The following PHF21A variants were observed in gnomAD, a reference collection of about 807,000 sequenced individuals.
PHF21A encodes the protein BHC80a.
PHF21A carries 11 observed loss-of-function variants against 82.5 expected under a neutral mutation model. The observed-to-expected ratio is 0.13, with a 90% CI of 0.08 to 0.22. PHF21A has a LOEUF of 0.22. Among genes scored for constraint, PHF21A ranks in the 10% least tolerant of loss-of-function variants. The probability of loss-of-function intolerance (pLI) is 1.00; values close to 1 mark genes in which losing one functional copy is unlikely to be tolerated. For synonymous variants in PHF21A, 297 were observed against 302.8 expected (o/e 0.98, Z 0.20); for missense variants, 579 against 837.8 (o/e 0.69, Z 3.81).
At chr11:46,066,187 G>T (rs868698659) in intron 6 of PHF21A, among the ~76,000 whole-genome samples, 1 of 152,164 alleles carries the variant, frequency 6.6e-6, no homozygotes, top group East Asian at 1.9e-4. Flanking sequence ...AGGTAACAAA[G>T]GTAGTTTCTC....
chr11:46,030,832 T>TGC (rs1248826429), intron 6 of PHF21A, among the ~76,000 whole-genome samples: 3 of 58,516 alleles, frequency 5.1e-5, no homozygotes, highest in African/African-American at 9.5e-5. Flanking sequence ...TGTGTGTGCG[T>TGC]GTGTGTGTGT....
chr11:46,053,868 A>G (rs890724531), intron 6 of PHF21A, among the ~76,000 whole-genome samples: 4 of 152,168 alleles, frequency 2.6e-5, no homozygotes, highest in African/African-American at 9.7e-5. Context: ...AAAAGTTACT[A>G]TGACCTTGCT....
intron 15 of PHF21A, among the ~76,000 whole-genome samples, chr11:45,939,309 A>G (rs2135173482): frequency 6.6e-6 from 1 of 152,336 alleles, no homozygotes; most frequent in South Asian, 2.1e-4. Flanking sequence ...GATACAAACA[A>G]TTCTCATCAC....
intron 6 of PHF21A, among the ~76,000 whole-genome samples, chr11:46,011,889 T>C (rs1033408668): frequency 3.3e-5 from 5 of 152,220 alleles, no homozygotes; most frequent in Non-Finnish European, 5.9e-5. Flanking sequence ...ACTTCTTTAG[T>C]GTAACATTAA....
chr11:45,971,890 C>CTTTCTTTTTTTTTTTTTTTTTTTTTT (rs57081937), intron 7 of PHF21A, among the ~76,000 whole-genome samples: 2,153 of 50,210 alleles, frequency 0.043, 659 homozygotes, highest in Middle Eastern at 0.087. Flanking sequence ...CTTTTTCTTT[C>CTTTCTTTTTTTTTTTTTTTTTTTTTT]TTTTTTTTTT....
chr11:46,067,786 C>T (rs996582684), intron 6 of PHF21A, among the ~76,000 whole-genome samples: 3 of 152,118 alleles, frequency 2.0e-5, no homozygotes, highest in African/African-American at 4.8e-5. Flanking sequence ...AAGACACAGT[C>T]CTTGCCTGTG....
chr11:45,945,339 G>A (rs575799679), intron 15 of PHF21A, among the ~76,000 whole-genome samples: 5 of 152,198 alleles, frequency 3.3e-5, no homozygotes, highest in South Asian at 4.2e-4. Flanking sequence ...CAGTTTTTCC[G>A]GAACCTGTTT....
Position 45,953,660 on chromosome 11 carries a change from C to G in PHF21A, c.997-35G>C, listed in dbSNP as rs536807203. ...AAAAATTAAATAAAAATTCAGAATT[C>G]GTTTTTTATTAAAAGGATGAAGCAA... is the stretch of plus-strand genomic sequence containing the variant. On this transcript the variant is annotated intron_variant, in intron 10 of 18. Coordinates refer to ENST00000676320, the MANE Select transcript of PHF21A (RefSeq NM_001352027.3). 2.8e-6 allele frequency: 4 copies of G among 1,409,868 alleles called. No homozygotes were observed. In the Admixed American group the frequency reaches 7.3e-5, roughly 26 times the overall value. The allele number at this position is 1,409,868 out of a possible 1,614,324, so 87.3% of individuals were successfully genotyped here.
rs1156393219 is a variant in PHF21A at position 46,090,566 on chromosome 11, C to G, written c.-195G>C. 1 of 152,174 alleles carries G rather than the reference C, an allele frequency of 6.6e-6. No homozygotes were observed. Among genetic ancestry groups the G allele is most frequent in the Non-Finnish European group, 1.5e-5 (1 of 68,034 alleles). The allele number at this position is 152,174 out of a possible 1,614,324, so 9.4% of individuals were successfully genotyped here. On this transcript the variant is annotated splice_region_variant and 5_prime_UTR_variant, in exon 3 of 19. Coordinates refer to ENST00000676320, the MANE Select transcript of PHF21A (RefSeq NM_001352027.3). ...TAGCATATTAAAGGTTCTGAGAAGT[C>G]CTGCAGTAAAGAAACCTGTTTAACT...
intron 6 of PHF21A, among the ~76,000 whole-genome samples, chr11:46,063,398 T>C (rs1399536050): frequency 1.3e-5 from 2 of 152,220 alleles, no homozygotes; most frequent in Non-Finnish European, 2.9e-5. Flanking sequence ...AGATAGTAAC[T>C]ACTGTAAGGC....
chr11:46,051,661 A>C (rs1403523287), intron 6 of PHF21A, among the ~76,000 whole-genome samples: 1 of 152,184 alleles, frequency 6.6e-6, no homozygotes, highest in Non-Finnish European at 1.5e-5. Flanking sequence ...ATTCTGTAGT[A>C]CTTTCCTTGA....
chr11:45,992,208 A>C (rs2094728384), intron 6 of PHF21A, among the ~76,000 whole-genome samples: 1 of 152,072 alleles, frequency 6.6e-6, no homozygotes, highest in Non-Finnish European at 1.5e-5. Context: ...CTGAACTGTA[A>C]CTACTAGGAA....
chr11:46,001,291 G>T (rs570903790), intron 6 of PHF21A, among the ~76,000 whole-genome samples: 2 of 151,104 alleles, frequency 1.3e-5, no homozygotes, highest in East Asian at 3.9e-4. Context: ...CCACCAGGGG[G>T]GCTGGAAATG....
chr11:46,089,661 G>A (rs879690730), intron 3 of PHF21A, among the ~76,000 whole-genome samples: 4 of 151,810 alleles, frequency 2.6e-5, no homozygotes, highest in South Asian at 2.1e-4. Context: ...CTAGTTGGAT[G>A]TTTCTATACT....
chr11:45,967,272 A>G (rs2093495056), intron 9 of PHF21A, among the ~76,000 whole-genome samples: 1 of 152,018 alleles, frequency 6.6e-6, no homozygotes, highest in South Asian at 2.1e-4. Context: ...AGAGGCTGAG[A>G]CATAAGGATT....
Position 46,010,389 on chromosome 11 carries a change from T to C in PHF21A, c.154-30423A>G, listed in dbSNP as rs139162091. 5.2e-4 allele frequency among the ~76,000 whole-genome samples: 79 copies of C among 152,346 alleles called. 2 individuals carry two copies. Among genetic ancestry groups the C allele is most frequent in the South Asian group, 5.2e-3 (25 of 4,830 alleles). On this transcript the variant is annotated intron_variant, in intron 6 of 18. Transcript: ENST00000676320. ...CCTCGCAACAATCTTGTGAAGATAC[T>C]TTACAGAAGAATAACATGAAACTCA...
chr11:46,086,952 G>C (rs1258749468), intron 3 of PHF21A, among the ~76,000 whole-genome samples: 1 of 152,062 alleles, frequency 6.6e-6, no homozygotes, highest in Admixed American at 6.6e-5. Context: ...CAACAAACAT[G>C]AAAAACTTCC....
intron 7 of PHF21A, among the ~76,000 whole-genome samples, chr11:45,977,318 G>A (rs1046518517): frequency 6.6e-6 from 1 of 152,054 alleles, no homozygotes; most frequent in Non-Finnish European, 1.5e-5. Flanking sequence ...TGTATTTTTA[G>A]TAGAGATGGA....
intron 6 of PHF21A, among the ~76,000 whole-genome samples, chr11:46,023,977 A>G (rs1484250186): frequency 6.6e-6 from 1 of 152,100 alleles, no homozygotes; most frequent in East Asian, 1.9e-4. Flanking sequence ...AACAAAAAGA[A>G]TCACTGAATG....
Sources: allele counts gnomAD v4.1 joint callset (sites outside exome capture counted in the v4.1 genomes callset), GRCh38; gene constraint gnomAD v4.1.1; transcripts MANE v1.5; gene names NCBI Gene and HGNC (gene_info 2026-07-23, HGNC 2026-07-21).